Variants in STK38L observed in about 807,000 individuals in gnomAD.
The protein encoded by STK38L is serine/threonine-protein kinase 38-like.
In STK38L, 28 loss-of-function variants were observed where a neutral mutation model predicts 59.7. That is an observed-to-expected ratio of 0.47 (90% confidence interval 0.35 to 0.64). The LOEUF (loss-of-function observed/expected upper bound fraction) is 0.64, where lower values mean the gene tolerates loss of function less well. Among genes scored for constraint, STK38L ranks in the 30% least tolerant of loss-of-function variants. The probability of loss-of-function intolerance (pLI) is 0.01; values close to 1 mark genes in which losing one functional copy is unlikely to be tolerated. For synonymous variants in STK38L, 162 were observed against 176.8 expected (o/e 0.92, Z 0.66); for missense variants, 314 against 555.8 (o/e 0.56, Z 4.37).
intron 3 of STK38L, among the ~76,000 whole-genome samples, chr12:27,303,158 A>C (rs1044713616): frequency 6.6e-6 from 1 of 151,454 alleles, no homozygotes; most frequent in Non-Finnish European, 1.5e-5. Flanking sequence ...GGACCTTTTC[A>C]CATGCTCTTT....
chr12:27,254,121 G>GT (rs1943036381), intron 1 of STK38L, among the ~76,000 whole-genome samples: 1 of 152,246 alleles, frequency 6.6e-6, no homozygotes, highest in Admixed American at 6.5e-5. Flanking sequence ...CACCGAGGTT[G>GT]TTGTATAAAG....
chr12:27,301,576 A>G (rs1944173878), intron 2 of STK38L, among the ~76,000 whole-genome samples: 1 of 152,152 alleles, frequency 6.6e-6, no homozygotes, highest in African/African-American at 2.4e-5. Flanking sequence ...GGGTTTTTAA[A>G]AACACACATA....
chr12:27,299,085 TAAGAA>T (rs1944101314), intron 2 of STK38L, among the ~76,000 whole-genome samples: 1 of 151,926 alleles, frequency 6.6e-6, no homozygotes, highest in Admixed American at 6.6e-5. Context: ...AACTGACAAG[TAAGAA>T]AGATTGACAA....
chr12:27,271,889 A>G (rs1215364127), intron 1 of STK38L, among the ~76,000 whole-genome samples: 2 of 152,082 alleles, frequency 1.3e-5, no homozygotes, highest in African/African-American at 4.8e-5. Context: ...TAGTAGAGAC[A>G]GGGTTTCACC....
intron 1 of STK38L, among the ~76,000 whole-genome samples, chr12:27,285,020 T>C (rs1178085120): frequency 3.3e-5 from 5 of 152,216 alleles, no homozygotes; most frequent in Admixed American, 3.3e-4. Flanking sequence ...AAAAAGTCTC[T>C]TGGGAGAGTT....
chr12:27,314,521 C>A lies in STK38L; in HGVS notation c.535C>A (p.Leu179Ile). ...TTATTTAGGTGACATGATGACATTG[C>A]TAATGAAGAAAGACACCTTGACAGA... ...FLPGGDMMTL[L>I]MKKDTLTEEE... Residue 179 changes from leucine to isoleucine, a missense_variant, in exon 7 of 14, where the codon CTA becomes ATA. By Grantham distance (5) the Leu-to-Ile change is conservative. Coordinates refer to ENST00000389032, the MANE Select transcript of STK38L (RefSeq NM_015000.4). The A allele has an allele frequency of 1.3e-6, 2 of 1,570,692 alleles. No individual in the cohort carries two copies. Among genetic ancestry groups the A allele is most frequent in the Non-Finnish European group, 8.6e-7 (1 of 1,158,454 alleles).
At chr12:27,273,042 A>G (rs1447182705) in intron 1 of STK38L, among the ~76,000 whole-genome samples, 1 of 151,606 alleles carries the variant, frequency 6.6e-6, no homozygotes, top group African/African-American at 2.4e-5. Context: ...AGAAATACTT[A>G]CTGATTTTTT....
At position 27,322,684 on chromosome 12, in the gene STK38L, G is replaced by C; in HGVS notation, c.*229G>C. On this transcript the variant is annotated 3_prime_UTR_variant, in exon 14 of 14. Coordinates refer to ENST00000389032, the MANE Select transcript of STK38L (RefSeq NM_015000.4). ...ATTATTTTTGTTAACTTTATTATATGAAGGTACTGGAATAAAAGGAACAGA... is the reference window on the plus strand; with the variant it reads ...ATTATTTTTGTTAACTTTATTATATCAAGGTACTGGAATAAAAGGAACAGA... The C allele has an allele frequency of 7.7e-6, 3 of 388,992 alleles. 1 individual carries two copies. The highest frequency in any genetic ancestry group is 4.4e-6 in the Non-Finnish European group (1 of 226,618). 24.1% of individuals were successfully genotyped at this position (388,992 alleles called of 1,614,324 possible). A position where few individuals can be genotyped will look rare whatever the true frequency, so the allele number is the denominator to read the frequency against.
intron 6 of STK38L, among the ~76,000 whole-genome samples, chr12:27,313,602 C>CA (rs1360581828): frequency 6.6e-6 from 1 of 151,974 alleles, no homozygotes; most frequent in Non-Finnish European, 1.5e-5. Context: ...AGGCTGGTCT[C>CA]AAACTCCTGA....
chr12:27,282,248 T>G (rs1943676187), intron 1 of STK38L, among the ~76,000 whole-genome samples: 2 of 152,200 alleles, frequency 1.3e-5, no homozygotes, highest in Admixed American at 6.5e-5. Context: ...CTACTTCTCA[T>G]GTAATAAATA....
At chr12:27,254,683 G>C (rs897351855) in intron 1 of STK38L, among the ~76,000 whole-genome samples, 1 of 152,256 alleles carries the variant, frequency 6.6e-6, no homozygotes, top group African/African-American at 2.4e-5. Flanking sequence ...GTTGGCAGCT[G>C]TTTTGGCTTT....
chr12:27,317,013 GCTT>G (rs1944601951), intron 9 of STK38L, among the ~76,000 whole-genome samples: 1 of 152,120 alleles, frequency 6.6e-6, no homozygotes, highest in Non-Finnish European at 1.5e-5. Flanking sequence ...ACTTAACTGA[GCTT>G]CTTGTGGGGG....
Position 27,308,167 on chromosome 12 carries a change from T to C in STK38L, c.187-172T>C, listed in dbSNP as rs1251561737. Among the ~76,000 whole-genome samples, 1 of 151,926 alleles carries C rather than the reference T, an allele frequency of 6.6e-6. No individual in the cohort carries two copies. The highest frequency in any genetic ancestry group is 1.5e-5 in the Non-Finnish European group (1 of 68,002). ...ATGGAGTCCACCTCAAAAGTAAAGA[T>C]TTATCAGTTGTTAAAAATTTTAGAA... On this transcript the variant is annotated intron_variant, in intron 3 of 13. Coordinates refer to ENST00000389032, the MANE Select transcript of STK38L (RefSeq NM_015000.4). This position sits in a 1 kb window ranked among gnomAD's most constrained non-coding sequence, Gnocchi z 4.5.
At chr12:27,309,309 T>A in intron 5 of STK38L, 112 bp downstream of exon 5, 1 of 601,028 alleles carries the variant, frequency 1.7e-6, no homozygotes, top group East Asian at 3.9e-5. Context: ...ACATAAGCTA[T>A]TAATTTTTTG....
intron 1 of STK38L, among the ~76,000 whole-genome samples, chr12:27,296,640 A>G (rs1036905555): frequency 1.3e-5 from 2 of 152,148 alleles, no homozygotes; most frequent in South Asian, 4.1e-4. Context: ...AATGCTTTGG[A>G]TGGTCACTCT....
intron 2 of STK38L, among the ~76,000 whole-genome samples, chr12:27,301,183 C>T (rs1944160081): frequency 6.6e-6 from 1 of 152,124 alleles, no homozygotes; most frequent in East Asian, 1.9e-4. Flanking sequence ...TTCAAGGGTG[C>T]TGTTTAAAAA....
chr12:27,247,125 T>C (rs1037010754), intron 1 of STK38L, among the ~76,000 whole-genome samples: 1 of 152,238 alleles, frequency 6.6e-6, no homozygotes, highest in Non-Finnish European at 1.5e-5. Flanking sequence ...AAGTAAATAC[T>C]TTATATAATG....
At chr12:27,287,263 C>T (rs1184443711) in intron 1 of STK38L, among the ~76,000 whole-genome samples, 1 of 151,926 alleles carries the variant, frequency 6.6e-6, no homozygotes, top group Non-Finnish European at 1.5e-5. Context: ...ATGCCTCATG[C>T]CTGGCTAATT....
intron 5 of STK38L, 32 bp from the exon 6 acceptor site, chr12:27,312,517 C>A (rs1244549539): frequency 3.1e-6 from 5 of 1,608,020 alleles, no homozygotes; most frequent in South Asian, 1.1e-5. Flanking sequence ...GATGTATTTA[C>A]AATTATTTTT....
Sources: allele counts gnomAD v4.1 joint callset (sites outside exome capture counted in the v4.1 genomes callset), GRCh38; gene constraint gnomAD v4.1.1; non-coding constraint Gnocchi (gnomAD v3.1); transcripts MANE v1.5; gene names NCBI Gene and HGNC (gene_info 2026-07-23, HGNC 2026-07-21).